DOCK1: variants seen among roughly 807,000 people sequenced by gnomAD.
DOCK1 encodes the protein dedicator of cytokinesis 1.
In DOCK1, 138 loss-of-function variants were observed where a neutral mutation model predicts 262.7. That is an observed-to-expected ratio of 0.53 (90% CI 0.46 to 0.61). DOCK1 has a LOEUF of 0.61. DOCK1 is among the 20% of genes least tolerant of loss of function. DOCK1 has a pLI of 0.00. For missense variants in DOCK1, 1,908 were observed against 2,370.7 expected, an observed-to-expected ratio of 0.80 and a Z score of 4.05; for synonymous variants, 866 against 867.4, an observed-to-expected ratio of 1.00 and a Z score of 0.03.
intron 27 of DOCK1, among the ~76,000 whole-genome samples, chr10:127,234,075 A>T (rs2058955350): frequency 6.6e-6 from 1 of 152,232 alleles, no homozygotes. Flanking sequence ...ACCAACATTC[A>T]AAATAATAGT....
At chr10:127,444,099 TG>T (rs1436365997) in intron 49 of DOCK1, 26 bp from the exon 50 acceptor site, 1 of 1,551,606 alleles carries the variant, frequency 6.4e-7, no homozygotes, top group African/African-American at 1.4e-5. Flanking sequence ...AGACCGTAAC[TG>T]TGCTCTTTCT....
chr10:127,208,786 T>TAACG (rs1251092018), intron 27 of DOCK1, among the ~76,000 whole-genome samples: 1 of 152,220 alleles, frequency 6.6e-6, no homozygotes. Flanking sequence ...AGATGATATC[T>TAACG]AACGTTGAGA....
intron 29 of DOCK1, among the ~76,000 whole-genome samples, chr10:127,261,990 G>A (rs2060167224): frequency 6.8e-6 from 1 of 146,538 alleles, no homozygotes; most frequent in South Asian, 2.2e-4. Context: ...GTGTGTGTGT[G>A]TACCCATGCT....
At chr10:127,160,782 T>C (rs2053532056) in intron 27 of DOCK1, among the ~76,000 whole-genome samples, 1 of 152,228 alleles carries the variant, frequency 6.6e-6, no homozygotes, top group Admixed American at 6.5e-5. Context: ...TTTTTGCCGT[T>C]AATTTATTCT....
At chr10:127,234,377 A>G (rs532212227) in intron 27 of DOCK1, among the ~76,000 whole-genome samples, 1 of 152,312 alleles carries the variant, frequency 6.6e-6, no homozygotes, top group African/African-American at 2.4e-5. Flanking sequence ...TTACCCTAAT[A>G]TACAAATAAA....
chr10:127,176,451 C>G lies in DOCK1; in HGVS notation c.2847+48687C>G, dbSNP rs1236376632. 6.9e-7 allele frequency: 1 copy of G among 1,446,612 alleles called. No homozygotes were observed. The highest frequency in any genetic ancestry group is 9.3e-7 in the Non-Finnish European group (1 of 1,072,966). 89.6% of individuals were successfully genotyped at this position (1,446,612 alleles called of 1,614,324 possible). A position where few individuals can be genotyped will look rare whatever the true frequency, so the allele number is the denominator to read the frequency against. ...TGTCAGTGGGACAGAAATACACACT[C>G]AAGCACCGGCCGCACAAACTTTTAG... is the stretch of plus-strand genomic sequence containing the variant. On this transcript the variant is annotated intron_variant, in intron 27 of 51. Coordinates refer to ENST00000623213, the MANE Select transcript of DOCK1 (RefSeq NM_001290223.2). This position sits in a 1 kb window ranked among gnomAD's most constrained non-coding sequence, Gnocchi z 4.4.
At chr10:127,051,352 T>G (rs2044712470) in intron 21 of DOCK1, among the ~76,000 whole-genome samples, 1 of 152,152 alleles carries the variant, frequency 6.6e-6, no homozygotes, top group African/African-American at 2.4e-5. Flanking sequence ...ATATATTGTT[T>G]ATAGTCTTCT....
chr10:127,373,143 T>C (rs1333347973), intron 33 of DOCK1, among the ~76,000 whole-genome samples: 5 of 152,192 alleles, frequency 3.3e-5, no homozygotes, highest in African/African-American at 1.2e-4. Context: ...AATTAGCTGG[T>C]ACTGGCGACC....
At chr10:126,934,066 C>T (rs914135612) in intron 1 of DOCK1, among the ~76,000 whole-genome samples, 7 of 152,132 alleles carry the variant, frequency 4.6e-5, no homozygotes, top group Non-Finnish European at 7.3e-5. Context: ...CTGCCCTCCT[C>T]TTGGCCTCCC....
chr10:127,023,168 G>C, intron 13 of DOCK1, 32 bp from the exon 14 acceptor site: 4 of 1,610,428 alleles, frequency 2.5e-6, no homozygotes, highest in Non-Finnish European at 3.4e-6. Flanking sequence ...ATAATGGATT[G>C]TTTTTTAAAT....
intron 27 of DOCK1, chr10:127,196,283 G>T (rs890957727): frequency 6.7e-6 from 1 of 149,014 alleles, no homozygotes; most frequent in Admixed American, 6.7e-5. Context: ...CGACGCGCGC[G>T]GGGAGGCAGC....
intron 1 of DOCK1, among the ~76,000 whole-genome samples, chr10:126,911,033 C>G (rs2031684956): frequency 6.6e-6 from 1 of 152,140 alleles, no homozygotes; most frequent in Non-Finnish European, 1.5e-5. Flanking sequence ...TAGTGTGAAC[C>G]TAAGTCTTCA....
intron 28 of DOCK1, among the ~76,000 whole-genome samples, chr10:127,251,704 C>T (rs1481754497): frequency 1.3e-5 from 2 of 150,748 alleles, no homozygotes; most frequent in South Asian, 2.1e-4. Context: ...CTACAAAGGA[C>T]ATGAACTCAT....
intron 23 of DOCK1, among the ~76,000 whole-genome samples, chr10:127,093,231 C>CTTTCTTTTCTTTCTTT: frequency 8.3e-6 from 1 of 120,140 alleles, no homozygotes; most frequent in Non-Finnish European, 1.6e-5. Context: ...TTCTTTCTTT[C>CTTTCTTTTCTTTCTTT]TTTCTTTCTT....
At chr10:127,099,444 T>C (rs144381628) in intron 23 of DOCK1, among the ~76,000 whole-genome samples, 13 of 152,230 alleles carry the variant, frequency 8.5e-5, no homozygotes, top group African/African-American at 2.9e-4. Context: ...GGGTAACTTA[T>C]AGAGAAAAGA....
intron 37 of DOCK1, among the ~76,000 whole-genome samples, chr10:127,381,591 C>T (rs2065827149): frequency 6.6e-6 from 1 of 152,208 alleles, no homozygotes; most frequent in African/African-American, 2.4e-5. Flanking sequence ...AGCAGGTGAT[C>T]ACTGAGCATT....
rs1236276718 is a variant in DOCK1, at chr10:126,985,003, C to T, written c.228-2518C>T. 8.8e-5 allele frequency among the ~76,000 whole-genome samples: 10 copies of T among 113,004 alleles called. 1 individual carries two copies. Among genetic ancestry groups the T allele is most frequent in the Non-Finnish European group, 1.5e-4 (9 of 59,100 alleles). 74.1% of individuals were successfully genotyped at this position (113,004 alleles called of 152,430 possible). ...TTTTTTTTTTTTTTTTTTTTTGAGA[C>T]GAAGTCTTGCTCTGTCGCCCAGGCT... On this transcript the variant is annotated intron_variant, in intron 4 of 51. Transcript: ENST00000623213.
intron 27 of DOCK1, among the ~76,000 whole-genome samples, chr10:127,246,914 T>C (rs1455544932): frequency 1.3e-5 from 2 of 152,252 alleles, no homozygotes; most frequent in African/African-American, 4.8e-5. Flanking sequence ...TGTTTCATGC[T>C]ATAATTTTAC....
intron 1 of DOCK1, among the ~76,000 whole-genome samples, chr10:126,932,859 G>C: frequency 6.6e-6 from 1 of 152,240 alleles, no homozygotes; most frequent in South Asian, 2.1e-4. Context: ...CAGGTGCCCA[G>C]AGTTCAGATC....
Sources: allele counts gnomAD v4.1 joint callset (sites outside exome capture counted in the v4.1 genomes callset), GRCh38; gene constraint gnomAD v4.1.1; non-coding constraint Gnocchi (gnomAD v3.1); transcripts MANE v1.5; gene names NCBI Gene and HGNC (gene_info 2026-07-23, HGNC 2026-07-21).